Variants in CAMK4 observed in about 807,000 individuals in gnomAD.
CAMK4 encodes the protein calcium/calmodulin dependent protein kinase IV.
In CAMK4, 22 loss-of-function variants were observed where a neutral mutation model predicts 44.9. The observed-to-expected ratio is 0.49, with a 90% confidence interval of 0.35 to 0.70. The LOEUF (loss-of-function observed/expected upper bound fraction) is 0.70. Among genes scored for constraint, CAMK4 ranks in the 30% least tolerant of loss-of-function variants. The pLI is 0.01. For missense variants in CAMK4, 498 were observed against 586.8 expected, an observed-to-expected ratio of 0.85 and a Z score of 1.56; for synonymous variants, 218 against 215.4, an observed-to-expected ratio of 1.01 and a Z score of -0.11.
At chr5:111,356,845 G>A (rs1032925547) in intron 2 of CAMK4, among the ~76,000 whole-genome samples, 3 of 152,010 alleles carry the variant, frequency 2.0e-5, no homozygotes, top group African/African-American at 7.2e-5. Flanking sequence ...AGGCATTCTT[G>A]TTCATCTTCT....
intron 5 of CAMK4, among the ~76,000 whole-genome samples, chr5:111,403,439 C>T (rs1752303730): frequency 6.6e-6 from 1 of 152,048 alleles, no homozygotes; most frequent in Admixed American, 6.6e-5. Flanking sequence ...TCTTGCTGCT[C>T]AGGTTTGAGC....
chr5:111,405,347 A>C (rs1289630090), intron 5 of CAMK4, among the ~76,000 whole-genome samples: 4 of 152,194 alleles, frequency 2.6e-5, no homozygotes, highest in African/African-American at 9.6e-5. Flanking sequence ...GTGCGCCTAT[A>C]GTCCCAGCTA....
At chr5:111,287,722 T>C (rs993308497) in intron 1 of CAMK4, among the ~76,000 whole-genome samples, 7 of 152,214 alleles carry the variant, frequency 4.6e-5, no homozygotes, top group Non-Finnish European at 8.8e-5. Context: ...AATATGACTG[T>C]TAGAGATGAT....
Position 111,484,396 on chromosome 5 carries a change from G to A in CAMK4, c.1352G>A (p.Arg451Lys). 1 of 1,583,912 alleles carries A rather than the reference G, an allele frequency of 6.3e-7. No individual in the cohort carries two copies. The highest frequency in any genetic ancestry group is 8.6e-7 in the Non-Finnish European group (1 of 1,166,288). ...LKTVEEAAAPREGQGSSAVGF... is the reference protein window; with the variant it reads ...LKTVEEAAAPKEGQGSSAVGF... ...ACTGTGGAGGAGGCAGCAGCTCCCA[G>A]AGAAGGGCAAGGAAGCTCTGCTGTG... The change falls in exon 11 of 11, where the codon AGA becomes AAA. Residue 451 changes from arginine (R) to lysine (K), a missense_variant. Around this residue, in one of 3 missense-constraint regions of CAMK4, gnomAD observed 143 missense variants for 144.9 expected, o/e 0.99. Coordinates refer to ENST00000282356, the MANE Select transcript of CAMK4 (RefSeq NM_001744.6). The surrounding 1 kb of genome is among the most constrained non-coding windows in gnomAD (Gnocchi z 5.3).
intron 7 of CAMK4, among the ~76,000 whole-genome samples, chr5:111,461,812 G>GGAAAAA (rs1754652758): frequency 6.9e-4 from 2 of 2,892 alleles, no homozygotes; most frequent in Admixed American, 4.3e-3. Context: ...AGCCTCTATA[G>GGAAAAA]TAAAAAAAAA....
intron 2 of CAMK4, among the ~76,000 whole-genome samples, chr5:111,348,115 A>T (rs1288437170): frequency 6.6e-6 from 1 of 151,894 alleles, no homozygotes; most frequent in Non-Finnish European, 1.5e-5. Context: ...CTGTTTAAAC[A>T]TTTTTCCATG....
chr5:111,325,684 G>A (rs1748854306), intron 1 of CAMK4, among the ~76,000 whole-genome samples: 2 of 152,202 alleles, frequency 1.3e-5, no homozygotes, highest in African/African-American at 4.8e-5. Context: ...CTTCTTTTGA[G>A]AAGTGTCTAT....
At position 111,308,666 on chromosome 5, in the gene CAMK4, A is replaced by G. The variant is rs948505509; in HGVS notation, c.162-35358A>G. ...TTTAGAGAGGTTCAGTTTGACTCAGATTTCAGGAAAAGTCAGTTATGTAAA... is the reference window on the plus strand; with the variant it reads ...TTTAGAGAGGTTCAGTTTGACTCAGGTTTCAGGAAAAGTCAGTTATGTAAA... On this transcript the variant is annotated intron_variant, in intron 1 of 10. Transcript: ENST00000282356. Among the ~76,000 whole-genome samples, 7 of 152,324 alleles carry G rather than the reference A, an allele frequency of 4.6e-5. No individual in the cohort carries two copies. In the South Asian group the frequency reaches 6.2e-4, roughly 14 times the overall value.
rs1421815490 is a variant in CAMK4, at chr5:111,491,043, G to A, written c.*6577G>A. 1 of 152,080 alleles carries A rather than the reference G, an allele frequency of 6.6e-6. No homozygotes were observed. Among genetic ancestry groups the A allele is most frequent in the Admixed American group, 6.5e-5 (1 of 15,272 alleles). 9.4% of individuals were successfully genotyped at this position (152,080 alleles called of 1,614,324 possible). ...TATTTATGCTCTTACTTGAATGTCA[G>A]TCATTCATTTTATCTCTCGTCTTTG... On this transcript the variant is annotated 3_prime_UTR_variant, in exon 11 of 11. Coordinates refer to ENST00000282356, the MANE Select transcript of CAMK4 (RefSeq NM_001744.6).
chr5:111,356,347 GTTGT>G (rs1423928047), intron 2 of CAMK4, among the ~76,000 whole-genome samples: 8 of 151,838 alleles, frequency 5.3e-5, no homozygotes, highest in African/African-American at 1.4e-4. Flanking sequence ...TTTTGATGGG[GTTGT>G]TTGTTTTTTT....
intron 5 of CAMK4, among the ~76,000 whole-genome samples, chr5:111,427,381 C>G (rs1343066770): frequency 6.6e-6 from 1 of 152,154 alleles, no homozygotes; most frequent in Non-Finnish European, 1.5e-5. Context: ...AGGACCTTAG[C>G]CTGTGAAAGT....
At chr5:111,302,105 A>G (rs1446437995) in intron 1 of CAMK4, 1 of 152,208 alleles carries the variant, frequency 6.6e-6, no homozygotes, top group South Asian at 2.1e-4. Context: ...AAGAAATCTT[A>G]AAACATTTTA....
At chr5:111,308,288 C>G (rs1445270929) in intron 1 of CAMK4, among the ~76,000 whole-genome samples, 2 of 150,404 alleles carry the variant, frequency 1.3e-5, no homozygotes, top group Non-Finnish European at 3.0e-5. Context: ...AAAACTAGTT[C>G]TTATTTTAAA....
intron 1 of CAMK4, among the ~76,000 whole-genome samples, chr5:111,292,495 G>A (rs541822849): frequency 1.3e-5 from 2 of 152,072 alleles, no homozygotes; most frequent in African/African-American, 4.8e-5. Context: ...TACAGTAAAA[G>A]CCCACCTTAT....
At chr5:111,245,934 C>A (rs1312693711) in intron 1 of CAMK4, among the ~76,000 whole-genome samples, 1 of 152,156 alleles carries the variant, frequency 6.6e-6, no homozygotes, top group Non-Finnish European at 1.5e-5. Flanking sequence ...TATTTTTATT[C>A]TTCTATAACC....
chr5:111,380,177 C>T (rs1416600544), intron 4 of CAMK4, among the ~76,000 whole-genome samples: 3 of 152,202 alleles, frequency 2.0e-5, no homozygotes, highest in African/African-American at 7.2e-5. Context: ...TATTTTAAGA[C>T]AGCAAATTTA....
chr5:111,408,458 CT>C (rs1226909163), intron 5 of CAMK4, among the ~76,000 whole-genome samples: 1 of 152,182 alleles, frequency 6.6e-6, no homozygotes, highest in African/African-American at 2.4e-5. Flanking sequence ...GAAAACCCCT[CT>C]GCATAATTCA....
chr5:111,371,241 G>C (rs1750994350), intron 2 of CAMK4, among the ~76,000 whole-genome samples: 1 of 151,138 alleles, frequency 6.6e-6, no homozygotes, highest in African/African-American at 2.5e-5. Context: ...CCATGTACCT[G>C]GTGCACACTC....
At chr5:111,310,297 G>A (rs779075405) in intron 1 of CAMK4, among the ~76,000 whole-genome samples, 5 of 152,042 alleles carry the variant, frequency 3.3e-5, no homozygotes, top group Admixed American at 6.6e-5. Context: ...GGAAATAAAT[G>A]TATCCTTCTA....
Sources: allele counts gnomAD v4.1 joint callset (sites outside exome capture counted in the v4.1 genomes callset), GRCh38; gene constraint gnomAD v4.1.1; regional missense constraint gnomAD v4.1.1; non-coding constraint Gnocchi (gnomAD v3.1); transcripts MANE v1.5; gene names NCBI Gene and HGNC (gene_info 2026-07-23, HGNC 2026-07-21).